FSTL4: variants seen among roughly 807,000 people sequenced by gnomAD.
FSTL4 encodes follistatin like 4, also known as follistatin-related protein 4.
FSTL4 carries 28 observed loss-of-function variants against 78.2 expected under a neutral mutation model. The observed-to-expected ratio is 0.36, with a 90% CI of 0.27 to 0.49. The LOEUF (loss-of-function observed/expected upper bound fraction) is 0.49, where lower values mean the gene tolerates loss of function less well. FSTL4 is among the 20% of genes least tolerant of loss of function. The pLI is 0.98. For missense variants in FSTL4, 922 were observed against 1,084.9 expected (o/e 0.85, Z 2.11); for synonymous variants, 422 against 440.5 (o/e 0.96, Z 0.53).
chr5:133,372,901 A>G (rs945249121), intron 4 of FSTL4, among the ~76,000 whole-genome samples: 2 of 152,184 alleles, frequency 1.3e-5, no homozygotes, highest in Non-Finnish European at 2.9e-5. Flanking sequence ...TCTTTGTCAC[A>G]GCTGCTTTCT....
At chr5:133,425,473 C>A (rs921485308) in intron 3 of FSTL4, among the ~76,000 whole-genome samples, 1 of 152,118 alleles carries the variant, frequency 6.6e-6, no homozygotes, top group African/African-American at 2.4e-5. Flanking sequence ...AAGAAAGAGA[C>A]AAAAGGGAAA....
the FSTL4 span, among the ~76,000 whole-genome samples, chr5:133,757,063 C>T: frequency 2.6e-5 from 4 of 152,280 alleles, no homozygotes; most frequent in Admixed American, 2.0e-4. Context: ...CAATTCGCCC[C>T]CAGAGACTCT....
chr5:133,551,069 T>A (rs1168621325), intron 3 of FSTL4, among the ~76,000 whole-genome samples: 1 of 152,190 alleles, frequency 6.6e-6, no homozygotes, highest in African/African-American at 2.4e-5. Context: ...TACTATTACT[T>A]AGAACATGTT....
intron 6 of FSTL4, among the ~76,000 whole-genome samples, chr5:133,277,400 G>T (rs563533626): frequency 6.6e-6 from 1 of 152,160 alleles, no homozygotes; most frequent in Non-Finnish European, 1.5e-5. Context: ...GAAGGAGGGC[G>T]TCTGAGGTGC....
intron 1 of FSTL4, among the ~76,000 whole-genome samples, chr5:133,609,315 T>C (rs1761040182): frequency 6.6e-6 from 1 of 152,202 alleles, no homozygotes. Context: ...ATACATGGCA[T>C]GTTGGCAATC....
the FSTL4 span, among the ~76,000 whole-genome samples, chr5:133,759,876 T>G: frequency 6.6e-6 from 1 of 152,208 alleles, no homozygotes; most frequent in Non-Finnish European, 1.5e-5. Flanking sequence ...CCCACTGTGC[T>G]TCTCTGTTTA....
chr5:133,383,651 G>C (rs1755629251), intron 4 of FSTL4, among the ~76,000 whole-genome samples: 1 of 152,158 alleles, frequency 6.6e-6, no homozygotes, highest in Non-Finnish European at 1.5e-5. Context: ...TCTGTTAATT[G>C]GCTGCTGCCT....
intron 4 of FSTL4, among the ~76,000 whole-genome samples, chr5:133,326,250 T>G (rs1418917338): frequency 1.3e-5 from 2 of 152,214 alleles, no homozygotes. Context: ...GGGCTTATCT[T>G]TAAGATATAT....
intron 3 of FSTL4, among the ~76,000 whole-genome samples, chr5:133,532,332 C>T (rs540492869): frequency 6.6e-6 from 1 of 152,360 alleles, no homozygotes; most frequent in South Asian, 2.1e-4. Flanking sequence ...AATCTACAGT[C>T]ACCACAAAAT....
intron 2 of FSTL4, among the ~76,000 whole-genome samples, chr5:133,570,792 G>C (rs1165260565): frequency 6.6e-6 from 1 of 152,204 alleles, no homozygotes; most frequent in Non-Finnish European, 1.5e-5. Flanking sequence ...AGTTATGAGA[G>C]AAAAGTCCAT....
At chr5:133,352,325 T>C (rs1007777387) in intron 4 of FSTL4, among the ~76,000 whole-genome samples, 5 of 84,440 alleles carry the variant, frequency 5.9e-5, no homozygotes, top group African/African-American at 2.2e-4. Flanking sequence ...CACATATATA[T>C]ACACACATAT....
the FSTL4 span, among the ~76,000 whole-genome samples, chr5:133,735,433 C>A: frequency 1.3e-5 from 2 of 152,156 alleles, no homozygotes; most frequent in African/African-American, 4.8e-5. Context: ...CACTGCATTC[C>A]AGCCTGGTGA....
At chr5:133,603,426 A>C (rs572987730) in intron 2 of FSTL4, among the ~76,000 whole-genome samples, 1 of 152,342 alleles carries the variant, frequency 6.6e-6, no homozygotes, top group African/African-American at 2.4e-5. Flanking sequence ...GTTCTTTCTC[A>C]GCCTGGTGCT....
Position 133,458,589 on chromosome 5 carries a change from C to T in FSTL4, c.161-57603G>A, listed in dbSNP as rs538970114. ...AGAGGTGCCCTGGGGTTGGAATCCC[C>T]GTCCTTCTGCATCTGGCAAGCCACA... is the stretch of plus-strand genomic sequence containing the variant. On this transcript the variant is annotated intron_variant, in intron 3 of 15. Coordinates refer to ENST00000265342, the MANE Select transcript of FSTL4 (RefSeq NM_015082.2). Among the ~76,000 whole-genome samples the T allele has an allele frequency of 7.9e-5, 12 of 152,336 alleles. 1 individual carries two copies. Among genetic ancestry groups the T allele is most frequent in the South Asian group, 4.1e-4 (2 of 4,828 alleles).
chr5:133,268,947 C>T (rs781283762), intron 6 of FSTL4, among the ~76,000 whole-genome samples: 6 of 151,568 alleles, frequency 4.0e-5, no homozygotes, highest in Non-Finnish European at 5.9e-5. Flanking sequence ...TTTGGGAGGC[C>T]GAGGTGGGTA....
At chr5:133,819,408 G>A in the FSTL4 span, among the ~76,000 whole-genome samples, 1 of 152,166 alleles carries the variant, frequency 6.6e-6, no homozygotes, top group Non-Finnish European at 1.5e-5. Flanking sequence ...TCTGCTCAGT[G>A]GCTGAGAAGC....
At chr5:133,318,260 C>T (rs1000517475) in intron 4 of FSTL4, among the ~76,000 whole-genome samples, 1 of 152,180 alleles carries the variant, frequency 6.6e-6, no homozygotes, top group Non-Finnish European at 1.5e-5. Context: ...GATATTGATT[C>T]CTGGGGGTTC....
Position 133,199,116 on chromosome 5 carries a change from C to T in FSTL4, c.2508G>A (p.Val836=), listed in dbSNP as rs147903709. The part of the protein sequence containing the change: ...EVSGIKGGTT[V]VWVGEV ...CCCTTCATACCTCACCCACCCACACCACTGTGGTCCCCCCCTTTATACCTG... is the reference window on the plus strand; with the variant it reads ...CCCTTCATACCTCACCCACCCACACTACTGTGGTCCCCCCCTTTATACCTG... Residue 836 remains valine (V), a synonymous_variant, in exon 16 of 16, where the codon GTG becomes GTA. Transcript: ENST00000265342. This position sits in a 1 kb window ranked among gnomAD's most constrained non-coding sequence, Gnocchi z 4.4. 8 of 1,555,946 alleles carry T rather than the reference C, an allele frequency of 5.1e-6. No individual in the cohort carries two copies. The highest frequency in any genetic ancestry group is 6.1e-6 in the Non-Finnish European group (7 of 1,147,286).
At chr5:133,632,460 T>C in the FSTL4 span, among the ~76,000 whole-genome samples, 1 of 152,228 alleles carries the variant, frequency 6.6e-6, no homozygotes, top group Non-Finnish European at 1.5e-5. Context: ...ATTTTCTTTC[T>C]TTTTAGAAAA....
Sources: allele counts gnomAD v4.1 joint callset (sites outside exome capture counted in the v4.1 genomes callset), GRCh38; gene constraint gnomAD v4.1.1; non-coding constraint Gnocchi (gnomAD v3.1); transcripts MANE v1.5; gene names NCBI Gene and HGNC (gene_info 2026-07-23, HGNC 2026-07-21).